Variants in UBR3 observed in about 807,000 individuals in gnomAD.
UBR3 encodes the protein ubiquitin protein ligase E3 component n-recognin 3, also known as E3 ubiquitin-protein ligase UBR3.
In UBR3, 85 loss-of-function variants were observed where a neutral mutation model predicts 243.2. The observed-to-expected ratio is 0.35, with a 90% CI of 0.29 to 0.42. The LOEUF (loss-of-function observed/expected upper bound fraction) is 0.42. Among genes scored for constraint, UBR3 ranks in the 10% least tolerant of loss-of-function variants. The pLI, the probability that UBR3 is intolerant of heterozygous loss-of-function variation, is 1.00. For missense variants in UBR3, 1,686 were observed against 2,300.8 expected, an observed-to-expected ratio of 0.73 and a Z score of 5.47; for synonymous variants, 748 against 799.8, an observed-to-expected ratio of 0.94 and a Z score of 1.09.
Position 170,007,160 on chromosome 2 carries a change from G to A in UBR3, c.4200G>A (p.Glu1400=). ...TACAAGATCTCATAAAGGAAGTGGA[G>A]GAGCTGCAGGGACGACCGGGAGCTT... is the stretch of plus-strand genomic sequence containing the variant. The part of the protein sequence containing the change: ...KSIQDLIKEV[E]ELQGRPGAFP... The change falls in exon 28 of 39, where the codon GAG becomes GAA. Residue 1400 remains glutamate, a synonymous_variant. Transcript: ENST00000272793. The A allele has an allele frequency of 1.2e-6, 2 of 1,609,426 alleles. No homozygotes were observed. The highest frequency in any genetic ancestry group is 1.7e-6 in the Non-Finnish European group (2 of 1,177,816).
chr2:169,846,823 C>G (rs991995105), intron 1 of UBR3, among the ~76,000 whole-genome samples: 1 of 152,110 alleles, frequency 6.6e-6, no homozygotes, highest in Admixed American at 6.5e-5. Flanking sequence ...GTCTTGACTT[C>G]GTGGGCTCAG....
chr2:169,950,800 C>CT (rs147695830), intron 23 of UBR3, among the ~76,000 whole-genome samples: 6,550 of 151,576 alleles, frequency 0.043, 162 homozygotes, highest in Middle Eastern at 0.068. Flanking sequence ...ATTGCTGACC[C>CT]TGCTGTCATA....
chr2:170,001,182 T>C, intron 26 of UBR3, 122 bp from the exon 27 acceptor site: 2 of 674,874 alleles, frequency 3.0e-6, no homozygotes, highest in East Asian at 2.8e-5. Context: ...ATCACAAGAA[T>C]AGAAACTCCA....
chr2:169,876,084 C>CTT (rs547614070), intron 3 of UBR3, 135 bp downstream of exon 3: 5,475 of 416,048 alleles, frequency 0.013, 2 homozygotes, highest in East Asian at 0.028. Flanking sequence ...AAGAGAACTT[C>CTT]TTTTTTTTTT....
At chr2:169,933,086 G>A (rs2086199520) in intron 19 of UBR3, 78 bp downstream of exon 19, 1 of 934,188 alleles carries the variant, frequency 1.1e-6, no homozygotes, top group African/African-American at 1.8e-5. Context: ...ACACAGATAT[G>A]ATATGCTCTC....
chr2:169,888,106 T>C (rs973113337), intron 5 of UBR3, among the ~76,000 whole-genome samples: 19 of 141,964 alleles, frequency 1.3e-4, no homozygotes, highest in Non-Finnish European at 2.4e-4. Context: ...ATCTGTGTTA[T>C]GACTTTATTT....
At chr2:169,891,110 AGT>A in intron 5 of UBR3, 53 bp from the exon 6 acceptor site, 7 of 1,355,238 alleles carry the variant, frequency 5.2e-6, no homozygotes, top group African/African-American at 1.4e-5. Flanking sequence ...ACATTTATAA[AGT>A]GTATCAATTT....
chr2:169,947,674 T>G lies in UBR3; in HGVS notation c.3043T>G (p.Ser1015Ala). ...GACTGCTCCTGAAGTAAAGAGAGAC[T>G]CACCTGCAAGTACTAGCTCTGATAA... ...PETAPEVKRD[S>A]PASTSSDNLG... Residue 1015 changes from serine to alanine, a missense_variant, in exon 22 of 39, where the codon TCA (serine) becomes GCA (alanine). Transcript: ENST00000272793. The G allele has an allele frequency of 6.5e-7, 1 of 1,534,218 alleles. No individual in the cohort carries two copies. The highest frequency in any genetic ancestry group is 8.8e-7 in the Non-Finnish European group (1 of 1,139,354).
intron 1 of UBR3, among the ~76,000 whole-genome samples, chr2:169,830,286 C>T (rs1465881592): frequency 6.6e-6 from 1 of 152,092 alleles, no homozygotes; most frequent in Non-Finnish European, 1.5e-5. Flanking sequence ...AGTGTGATTT[C>T]CAAATTGCCC....
At chr2:169,850,355 T>G (rs374233880) in intron 1 of UBR3, among the ~76,000 whole-genome samples, 5 of 152,156 alleles carry the variant, frequency 3.3e-5, no homozygotes, top group African/African-American at 1.2e-4. Context: ...ATTTTAAAAT[T>G]TTTTGTAGAG....
At chr2:169,999,143 C>T (rs756884923) in intron 26 of UBR3, among the ~76,000 whole-genome samples, 29 of 152,260 alleles carry the variant, frequency 1.9e-4, no homozygotes, top group Middle Eastern at 3.4e-3. Flanking sequence ...ATTAAAAATA[C>T]AGATTAATTG....
At chr2:169,914,167 T>G in intron 11 of UBR3, 21 bp downstream of exon 11, 1 of 1,400,550 alleles carries the variant, frequency 7.1e-7, no homozygotes, top group Non-Finnish European at 9.5e-7. Flanking sequence ...TTTTGATGTA[T>G]GTAAATTTTT....
Position 170,073,442 on chromosome 2 carries a change from T to G in UBR3, c.5034T>G (p.Phe1678Leu). 6.2e-7 allele frequency: 1 copy of G among 1,613,450 alleles called. No homozygotes were observed. Among genetic ancestry groups the G allele is most frequent in the Non-Finnish European group, 8.5e-7 (1 of 1,179,610 alleles). ...ATGTCTAAAAGGAAGAAGAAGAATT[T>G]TCAGTTCTTGCCAGCTGCCTGGGAC... The part of the protein sequence containing the change: ...DLPSCQEEEE[F>L]SVLASCLGLL... The change falls in exon 36 of 39, where the codon TTT becomes TTG. Residue 1678 changes from phenylalanine to leucine, a missense_variant. This residue lies in a region of UBR3 where 371 missense variants were observed against 422.5 expected (regional missense o/e 0.88). Coordinates refer to ENST00000272793, the MANE Select transcript of UBR3 (RefSeq NM_172070.4).
chr2:169,987,267 C>T (rs2089051678), intron 25 of UBR3, among the ~76,000 whole-genome samples: 1 of 151,672 alleles, frequency 6.6e-6, no homozygotes, highest in African/African-American at 2.4e-5. Context: ...GTGGAGGGCG[C>T]CTGTAATCCC....
intron 33 of UBR3, 30 bp from the exon 34 acceptor site, chr2:170,061,048 AC>A: frequency 7.3e-7 from 1 of 1,362,418 alleles, no homozygotes; most frequent in South Asian, 1.6e-5. Context: ...ATTTTCAGTG[AC>A]CAGTGTAACC....
At chr2:169,879,587 G>A (rs1191019337) in intron 5 of UBR3, among the ~76,000 whole-genome samples, 1 of 152,070 alleles carries the variant, frequency 6.6e-6, no homozygotes. Flanking sequence ...GTAACCTTGG[G>A]CAAGTGTCTT....
Position 169,942,472 on chromosome 2 carries a change from AGTTTT to A in UBR3, c.2664-15_2664-11del. 6.5e-7 allele frequency: 1 copy of A among 1,528,040 alleles called. No homozygotes were observed. Among genetic ancestry groups the A allele is most frequent in the Non-Finnish European group, 8.8e-7 (1 of 1,140,976 alleles). The allele number at this position is 1,528,040 out of a possible 1,614,324, so 94.7% of individuals were successfully genotyped here. On this transcript the variant is annotated splice_polypyrimidine_tract_variant and intron_variant, in intron 19 of 38. Transcript: ENST00000272793. ...GATTTTGAGGCTATCATCTAATTCT[AGTTTT>A]GTTTTATTTTTACAGTTTAAAACAG...
rs2091389905 is a variant in UBR3 at position 170,058,550 on chromosome 2, C to G, written c.4786-2529C>G. The stretch of plus-strand genomic sequence containing the variant: ...TTTTTTTTTTTGACAGGGTCTCACT[C>G]TATCGCCCACGTTGGAGTGCAGTGG... On this transcript the variant is annotated intron_variant, in intron 33 of 38. Coordinates refer to ENST00000272793, the MANE Select transcript of UBR3 (RefSeq NM_172070.4). Among the ~76,000 whole-genome samples the G allele has an allele frequency of 2.1e-5, 3 of 140,274 alleles. No homozygotes were observed. The South Asian group carries it at 6.5e-4, about 30-fold the overall frequency. 92.0% of individuals were successfully genotyped at this position (140,274 alleles called of 152,430 possible).
rs544878236 is a variant in UBR3 at position 169,927,495 on chromosome 2, T to A, written c.2424+90T>A. The A allele has an allele frequency of 2.9e-6, 3 of 1,035,740 alleles. No homozygotes were observed. The East Asian group carries it at 8.3e-5, about 29-fold the overall frequency. 64.2% of individuals were successfully genotyped at this position (1,035,740 alleles called of 1,614,324 possible). On this transcript the variant is annotated intron_variant, in intron 17 of 38. Coordinates refer to ENST00000272793, the MANE Select transcript of UBR3 (RefSeq NM_172070.4). ...ATAGTTTATCAATTTTTTGATTAAT[T>A]TTTTTTCAAAGTTGAAAAATAATAT...
Sources: gnomAD v4.1 joint callset for allele counts (sites outside exome capture counted in the v4.1 genomes callset) on GRCh38, gnomAD v4.1.1 for gene constraint, gnomAD v4.1.1 regional missense constraint, MANE v1.5 for transcripts, NCBI Gene and HGNC (gene_info 2026-07-23, HGNC 2026-07-21) for gene names.